The following MAST4 variants were observed in gnomAD, a reference collection of about 807,000 sequenced individuals.
MAST4 encodes microtubule-associated serine/threonine-protein kinase 4.
A neutral mutation model predicts 162.7 loss-of-function variants in MAST4; 89 were observed. The observed-to-expected ratio is 0.55, with a 90% CI of 0.46 to 0.65. The LOEUF (loss-of-function observed/expected upper bound fraction) is 0.65. MAST4 is among the 30% of genes least tolerant of loss of function. The probability of loss-of-function intolerance (pLI) is 0.00; values close to 1 mark genes in which losing one functional copy is unlikely to be tolerated. For synonymous variants in MAST4, 1,479 were observed against 1,361.1 expected (o/e 1.09, Z -1.91); for missense variants, 3,153 against 3,374.0 (o/e 0.93, Z 1.62).
At chr5:66,845,085 T>TTTTATA (rs1374904876) in intron 3 of MAST4, among the ~76,000 whole-genome samples, 25 of 57,964 alleles carry the variant, frequency 4.3e-4, no homozygotes, top group African/African-American at 1.6e-3. Flanking sequence ...TCACTAATCT[T>TTTTATA]TATATATATA....
At chr5:66,789,335 C>T (rs541199859) in intron 3 of MAST4, among the ~76,000 whole-genome samples, 1 of 152,228 alleles carries the variant, frequency 6.6e-6, no homozygotes, top group Non-Finnish European at 1.5e-5. Flanking sequence ...TCTACTCTGC[C>T]ATCTGTATTT....
At chr5:66,979,346 G>C (rs1412508454) in intron 4 of MAST4, among the ~76,000 whole-genome samples, 2 of 152,136 alleles carry the variant, frequency 1.3e-5, no homozygotes, top group Non-Finnish European at 2.9e-5. Context: ...AATCCACCTT[G>C]CTCCTTGTTC....
At chr5:66,997,873 C>T (rs1750844929) in intron 4 of MAST4, among the ~76,000 whole-genome samples, 1 of 152,186 alleles carries the variant, frequency 6.6e-6, no homozygotes, top group Admixed American at 6.5e-5. Context: ...AACTCCTTGA[C>T]TAAATAACTT....
At position 67,152,749 on chromosome 5, in the gene MAST4, C is replaced by A. The variant is rs987417949; in HGVS notation, c.3408C>A (p.Ala1136=). 13 of 1,613,956 alleles carry A rather than the reference C, an allele frequency of 8.1e-6. No homozygotes were observed. Among genetic ancestry groups the A allele is most frequent in the Non-Finnish European group, 8.5e-6 (10 of 1,179,906 alleles). The change falls in exon 25 of 29, where the codon GCC becomes GCA. Residue 1136 remains alanine (A), a synonymous_variant. Transcript: ENST00000403625. Reference sequence around the variant, plus strand: ...GCCGAGATTCCTCAGCAGCTTCTGCCAGTCCACATCAGCCGATTGTGATCC... The same window carrying A: ...GCCGAGATTCCTCAGCAGCTTCTGCAAGTCCACATCAGCCGATTGTGATCC... ...SPSRDSSAAS[A]SPHQPIVIHS...
intron 5 of MAST4, among the ~76,000 whole-genome samples, chr5:67,078,911 A>AAAAAAT (rs1762155149): frequency 2.6e-5 from 1 of 38,110 alleles, no homozygotes; most frequent in East Asian, 8.3e-4. Context: ...TTTTTATATA[A>AAAAAAT]ATATATATAT....
rs188286604 is a variant in MAST4, at chr5:66,610,552, G to A, written c.363+13534G>A. On this transcript the variant is annotated intron_variant, in intron 1 of 28. Transcript: ENST00000403625. ...CCAGGGCCCTCTGCCTCTTTGAGCC[G>A]CTCCTGCCCCTTGGGGTGCAGTGCG... 8.5e-5 allele frequency among the ~76,000 whole-genome samples: 13 copies of A among 152,310 alleles called. No homozygotes were observed. The South Asian group carries it at 1.7e-3, about 19-fold the overall frequency.
chr5:66,873,157 A>G (rs534895863), intron 3 of MAST4, among the ~76,000 whole-genome samples: 1 of 152,328 alleles, frequency 6.6e-6, no homozygotes, highest in South Asian at 2.1e-4. Context: ...GTTCAGCGAC[A>G]TTACCAAATA....
intron 2 of MAST4, among the ~76,000 whole-genome samples, chr5:66,760,877 C>T (rs1391291742): frequency 6.6e-6 from 1 of 152,138 alleles, no homozygotes; most frequent in Non-Finnish European, 1.5e-5. Flanking sequence ...GATGAATATG[C>T]TAACTACCCT....
At chr5:67,142,348 G>A (rs1419686785) in intron 20 of MAST4, 73 bp from the exon 21 acceptor site, 1 of 1,518,950 alleles carries the variant, frequency 6.6e-7, no homozygotes, top group Non-Finnish European at 9.0e-7. Flanking sequence ...TGTTGATCCA[G>A]AAAATCATAA....
At chr5:66,953,401 A>G (rs1434808230) in intron 4 of MAST4, among the ~76,000 whole-genome samples, 2 of 152,134 alleles carry the variant, frequency 1.3e-5, no homozygotes, top group Admixed American at 6.6e-5. Flanking sequence ...CAGCCTATTT[A>G]ACTGTGCCCT....
At chr5:66,746,954 TTTA>T (rs1043181966) in intron 1 of MAST4, among the ~76,000 whole-genome samples, 29 of 151,648 alleles carry the variant, frequency 1.9e-4, no homozygotes, top group African/African-American at 6.1e-4. Flanking sequence ...TGATACTAGC[TTTA>T]TTTTTTTTTT....
intron 4 of MAST4, among the ~76,000 whole-genome samples, chr5:66,919,555 G>C (rs1764345995): frequency 6.6e-6 from 1 of 151,758 alleles, no homozygotes; most frequent in Non-Finnish European, 1.5e-5. Context: ...CAGCTACTTG[G>C]GAGGCTGAGG....
At chr5:66,931,646 G>A (rs1337325177) in intron 4 of MAST4, among the ~76,000 whole-genome samples, 3 of 152,144 alleles carry the variant, frequency 2.0e-5, no homozygotes, top group Non-Finnish European at 4.4e-5. Flanking sequence ...AATCTAGAAA[G>A]TTTGGAAATG....
intron 3 of MAST4, among the ~76,000 whole-genome samples, chr5:66,887,207 T>A (rs987355298): frequency 1.3e-5 from 2 of 152,182 alleles, no homozygotes; most frequent in Non-Finnish European, 2.9e-5. Context: ...CCAAATATAT[T>A]TTAAAAAAGG....
At chr5:66,738,707 G>A (rs940151027) in intron 1 of MAST4, among the ~76,000 whole-genome samples, 12 of 152,232 alleles carry the variant, frequency 7.9e-5, no homozygotes, top group African/African-American at 2.2e-4. Context: ...CCTCCCGGTT[G>A]AAAGTGCTCC....
intron 1 of MAST4, among the ~76,000 whole-genome samples, chr5:66,651,315 T>C (rs768015958): frequency 1.3e-5 from 2 of 152,152 alleles, no homozygotes; most frequent in Non-Finnish European, 2.9e-5. Context: ...GATGCAGATT[T>C]TCATTTCCTA....
At chr5:67,111,064 G>A (rs374774022) in intron 11 of MAST4, among the ~76,000 whole-genome samples, 1 of 152,056 alleles carries the variant, frequency 6.6e-6, no homozygotes, top group East Asian at 1.9e-4. Flanking sequence ...TATGTTTTTG[G>A]CCAGTGATCA....
At position 67,118,756 on chromosome 5, in the gene MAST4, A is replaced by G. The variant is rs1358794024; in HGVS notation, c.1659+7A>G. 2 of 1,503,762 alleles carry G rather than the reference A, an allele frequency of 1.3e-6. No homozygotes were observed. Among genetic ancestry groups the G allele is most frequent in the Non-Finnish European group, 1.8e-6 (2 of 1,099,768 alleles). The allele number at this position is 1,503,762 out of a possible 1,614,324, so 93.2% of individuals were successfully genotyped here. On this transcript the variant is annotated splice_region_variant and intron_variant, in intron 13 of 28. Transcript: ENST00000403625. ...AACAGATGAATCAGTGAGTGTAAGT[A>G]TATTTCTTGATGAAATATGATGTTG... is the stretch of plus-strand genomic sequence containing the variant.
chr5:67,118,527 G>A (rs148984658), intron 12 of MAST4, among the ~76,000 whole-genome samples, 155 bp from the exon 13 acceptor site: 2,625 of 152,228 alleles, frequency 0.017, 30 homozygotes, highest in Non-Finnish European at 0.029. Flanking sequence ...ACCAATTGCT[G>A]CCTTTTTTTA....
Sources: gnomAD v4.1 joint callset for allele counts (sites outside exome capture counted in the v4.1 genomes callset) on GRCh38, gnomAD v4.1.1 for gene constraint, MANE v1.5 for transcripts, NCBI Gene and HGNC (gene_info 2026-07-23, HGNC 2026-07-21) for gene names.